Variants in BCAS1 observed in about 807,000 individuals in gnomAD.
BCAS1 encodes brain enriched myelin associated protein 1.
A neutral mutation model predicts 65.4 loss-of-function variants in BCAS1; 46 were observed. The observed-to-expected ratio is 0.70, with a 90% CI of 0.55 to 0.90. BCAS1 has a LOEUF of 0.90. Ranked by LOEUF, BCAS1 falls within the 40% of genes least tolerant of loss-of-function variation. BCAS1 has a pLI of 0.00. For missense variants in BCAS1, 793 were observed against 771.2 expected (o/e 1.03, Z -0.33); for synonymous variants, 298 against 293.5 (o/e 1.02, Z -0.16).
In BCAS1 at chr20:54,028,383, C is replaced by A. The variant is rs769494047; in HGVS notation, c.723+9G>T. The stretch of plus-strand genomic sequence containing the variant: ...TCAGAACCAAGTGGATACACCTTGG[C>A]ACACTTACCTTCCCTGCAGGGACAT... On this transcript the variant is annotated intron_variant, in intron 4 of 12. Transcript: ENST00000688948. 6.2e-7 allele frequency: 1 copy of A among 1,614,144 alleles called. No homozygotes were observed. The highest frequency in any genetic ancestry group is 2.2e-5 in the East Asian group (1 of 44,888).
intron 3 of BCAS1, among the ~76,000 whole-genome samples, chr20:54,047,463 A>G (rs928405238): frequency 6.6e-6 from 1 of 152,228 alleles, no homozygotes; most frequent in Non-Finnish European, 1.5e-5. Flanking sequence ...TCTAACAGGA[A>G]TTCTCCACTA....
chr20:53,975,321 A>G (rs2145699360), intron 9 of BCAS1, 68 bp downstream of exon 9: 5 of 1,454,344 alleles, frequency 3.4e-6, no homozygotes, highest in Non-Finnish European at 4.8e-6. Flanking sequence ...CAGAGCTGAA[A>G]ATGCCCAATT....
chr20:53,991,881 A>G (rs2090769892), intron 7 of BCAS1, among the ~76,000 whole-genome samples: 1 of 151,240 alleles, frequency 6.6e-6, no homozygotes, highest in South Asian at 2.1e-4. Context: ...TAGTATTCAA[A>G]TAGTGAAACC....
At chr20:54,029,139 C>G in intron 3 of BCAS1, 167 bp from the exon 4 acceptor site, 2 of 985,300 alleles carry the variant, frequency 2.0e-6, no homozygotes, top group African/African-American at 1.7e-5. Flanking sequence ...CTCCTTGGAC[C>G]CTGCTTTTCT....
intron 12 of BCAS1, 110 bp from the exon 13 acceptor site, chr20:53,945,106 T>C: frequency 1.1e-6 from 1 of 942,890 alleles, no homozygotes; most frequent in Admixed American, 1.7e-5. Flanking sequence ...GCTAAATTAA[T>C]ATATCTCATT....
chr20:54,058,136 T>G lies in BCAS1; in HGVS notation c.91A>C (p.Asn31His). Residue 31 changes from asparagine to histidine, a missense_variant, in exon 3 of 13, where the codon AAC (asparagine) becomes CAC (histidine). Transcript: ENST00000688948. ...ETYQDNASAL[N>H]GVPVVVSTHT... is the part of the protein sequence containing the mutation. ...GTCGACACCACCACTGGAACCCCGT[T>G]CAGAGCAGACGCGTTGTCCTGAAAC... 1 of 1,613,998 alleles carries G rather than the reference T, an allele frequency of 6.2e-7. No individual in the cohort carries two copies. Among genetic ancestry groups the G allele is most frequent in the East Asian group, 2.2e-5 (1 of 44,882 alleles).
intron 10 of BCAS1, among the ~76,000 whole-genome samples, chr20:53,961,011 G>C (rs1203969880): frequency 6.6e-6 from 1 of 152,202 alleles, no homozygotes; most frequent in Non-Finnish European, 1.5e-5. Flanking sequence ...ACAGTCAAAG[G>C]TGAAGTATCT....
rs537478455 is a variant in BCAS1 at position 54,066,633 on chromosome 20, T to C, written c.-6+3800A>G. ...TAAAAAGAGACACCAAAGAGCTCTC[T>C]CTGTCTCTCTCTCAACCGTGTGAGG... On this transcript the variant is annotated intron_variant, in intron 1 of 12. Coordinates refer to ENST00000688948, the MANE Select transcript of BCAS1 (RefSeq NM_001366298.2). Among the ~76,000 whole-genome samples the C allele has an allele frequency of 1.6e-3, 247 of 152,360 alleles. 1 individual carries two copies. Among genetic ancestry groups the C allele is most frequent in the African/African-American group, 5.7e-3 (238 of 41,592 alleles).
chr20:54,063,901 G>C (rs961465044), intron 1 of BCAS1, among the ~76,000 whole-genome samples: 1 of 152,186 alleles, frequency 6.6e-6, no homozygotes, highest in African/African-American at 2.4e-5. Context: ...TTTGAATGGG[G>C]TGTTAAAATG....
intron 1 of BCAS1, among the ~76,000 whole-genome samples, chr20:54,069,084 C>T (rs957790963): frequency 2.0e-5 from 3 of 152,192 alleles, no homozygotes; most frequent in Non-Finnish European, 2.9e-5. Context: ...CCCACCCTCA[C>T]TTAAATGAGA....
chr20:53,957,970 CA>C (rs1191163965), intron 10 of BCAS1, among the ~76,000 whole-genome samples: 3 of 151,642 alleles, frequency 2.0e-5, no homozygotes, highest in African/African-American at 4.9e-5. Context: ...TAGCCAGCAA[CA>C]CCAGTGACAG....
chr20:53,980,895 C>T (rs185986911), intron 8 of BCAS1, among the ~76,000 whole-genome samples: 2 of 152,324 alleles, frequency 1.3e-5, no homozygotes, highest in African/African-American at 2.4e-5. Flanking sequence ...TTTTCTACTG[C>T]CAATGAGTAT....
intron 11 of BCAS1, among the ~76,000 whole-genome samples, chr20:53,955,051 C>G (rs1456622732): frequency 1.3e-5 from 2 of 152,238 alleles, no homozygotes; most frequent in African/African-American, 2.4e-5. Context: ...TGTGTATAAG[C>G]ATGATTCATG....
intron 12 of BCAS1, among the ~76,000 whole-genome samples, chr20:53,950,918 A>T (rs561122690): frequency 1.2e-4 from 18 of 152,318 alleles, no homozygotes; most frequent in African/African-American, 3.1e-4. Flanking sequence ...TTCCAATAAA[A>T]ATTTATTTAT....
At chr20:53,971,556 T>TGCTACTTGACAAATAGCTC (rs2090180272) in intron 9 of BCAS1, among the ~76,000 whole-genome samples, 1 of 152,258 alleles carries the variant, frequency 6.6e-6, no homozygotes, top group Admixed American at 6.5e-5. Context: ...CATGCAGGGT[T>TGCTACTTGACAAATAGCTC]GCTACTTGAC....
chr20:54,043,331 CGAT>C (rs1423745572), intron 3 of BCAS1, among the ~76,000 whole-genome samples: 3 of 140,666 alleles, frequency 2.1e-5, no homozygotes, highest in Admixed American at 7.0e-5. Context: ...ATGATGATGA[CGAT>C]GATTTTTTTT....
At chr20:53,964,414 A>G (rs1294161452) in intron 10 of BCAS1, among the ~76,000 whole-genome samples, 1 of 152,244 alleles carries the variant, frequency 6.6e-6, no homozygotes, top group Non-Finnish European at 1.5e-5. Context: ...GACGATAATT[A>G]GAATACCTGG....
intron 1 of BCAS1, among the ~76,000 whole-genome samples, chr20:54,065,781 C>G (rs998557780): frequency 2.6e-5 from 4 of 152,150 alleles, no homozygotes; most frequent in Admixed American, 2.0e-4. Flanking sequence ...GCCCTGGCTC[C>G]GTGTCTGAGA....
intron 4 of BCAS1, among the ~76,000 whole-genome samples, chr20:54,019,988 T>C (rs544863427): frequency 6.6e-6 from 1 of 152,364 alleles, no homozygotes; most frequent in South Asian, 2.1e-4. Context: ...CAATTCTCCT[T>C]AATAAACTCC....
Sources: gnomAD v4.1 joint callset for allele counts (sites outside exome capture counted in the v4.1 genomes callset) on GRCh38, gnomAD v4.1.1 for gene constraint, MANE v1.5 for transcripts, NCBI Gene and HGNC (gene_info 2026-07-23, HGNC 2026-07-21) for gene names.